GPATCH2: variants seen among roughly 807,000 people sequenced by gnomAD.
GPATCH2 encodes G-patch domain containing 2.
In GPATCH2, 51 loss-of-function variants were observed where a neutral mutation model predicts 58.0. The ratio of observed to expected loss-of-function variants is 0.88; its 90% CI spans 0.70 to 1.11. The LOEUF is 1.11. GPATCH2 is among the 50% of genes most tolerant of loss of function. The pLI is 0.00. For missense variants in GPATCH2, 625 were observed against 652.2 expected (o/e 0.96, Z 0.45); for synonymous variants, 222 against 218.5 (o/e 1.02, Z -0.14).
chr1:217,514,858 C>G lies in GPATCH2; in HGVS notation c.1130G>C (p.Arg377Thr). ...AGAATCCGGGGAAAAATGAACCATT[C>G]TCTTGTTACCCACTGGGCCAGGAAT... ...VPIPGPVGNK[R>T]MVHFSPDSHH... is the part of the protein sequence containing the mutation. The change falls in exon 6 of 10, where the codon AGA (arginine) becomes ACA (threonine). Residue 377 changes from arginine (R) to threonine (T), a missense_variant. Arg to Thr is a moderately conservative substitution (Grantham distance 71). Transcript: ENST00000366935. The G allele has an allele frequency of 1.3e-6, 2 of 1,540,018 alleles. No individual in the cohort carries two copies. The highest frequency in any genetic ancestry group is 2.2e-5 in the South Asian group (2 of 89,374).
At chr1:217,558,012 C>T (rs1558482686) in intron 5 of GPATCH2, among the ~76,000 whole-genome samples, 1 of 152,100 alleles carries the variant, frequency 6.6e-6, no homozygotes, top group African/African-American at 2.4e-5. Context: ...TTTTAACCCC[C>T]TGACTTTTTC....
chr1:217,492,694 C>G lies in GPATCH2; in HGVS notation c.1207-944G>C, dbSNP rs546725306. On this transcript the variant is annotated intron_variant, in intron 7 of 9. Coordinates refer to ENST00000366935, the MANE Select transcript of GPATCH2 (RefSeq NM_018040.5). ...AACTTCTCTAAGCCTTGGTCTCCAC[C>G]TGTAAAATGGAAATAACAATAATAT... 14 of 152,258 alleles carry G rather than the reference C, an allele frequency of 9.2e-5. 1 individual carries two copies. The South Asian group carries it at 2.9e-3, about 32-fold the overall frequency. The allele number at this position is 152,258 out of a possible 1,614,324, so 9.4% of individuals were successfully genotyped here. A position where few individuals can be genotyped will look rare whatever the true frequency, so the allele number is the denominator to read the frequency against.
chr1:217,528,644 G>A (rs1365805226), intron 5 of GPATCH2, among the ~76,000 whole-genome samples: 2 of 152,198 alleles, frequency 1.3e-5, no homozygotes, highest in Non-Finnish European at 2.9e-5. Context: ...CTGAGGTACA[G>A]TCAGGGAGGT....
At chr1:217,514,746 A>T (rs550463515) in intron 6 of GPATCH2, 76 bp downstream of exon 6, 16 of 669,522 alleles carry the variant, frequency 2.4e-5, no homozygotes, top group Admixed American at 1.6e-4. Flanking sequence ...AAGCTTTACT[A>T]GTAGTAGCTA....
rs562065872 is a variant in GPATCH2 at position 217,454,626 on chromosome 1, T to A, written c.1278-5289A>T. Reference sequence around the variant, plus strand: ...AAAAAAAAAACCTTTCCTTTTTTTTTCCTCCCCTTTTTGAGACAGAGTCTC... The same window carrying A: ...AAAAAAAAAACCTTTCCTTTTTTTTACCTCCCCTTTTTGAGACAGAGTCTC... On this transcript the variant is annotated intron_variant, in intron 8 of 9. Coordinates refer to ENST00000366935, the MANE Select transcript of GPATCH2 (RefSeq NM_018040.5). 3.3e-4 allele frequency among the ~76,000 whole-genome samples: 49 copies of A among 150,406 alleles called. 1 individual carries two copies. The South Asian group carries it at 9.4e-3, about 29-fold the overall frequency.
At chr1:217,472,296 CTTTT>C (rs11326840) in intron 8 of GPATCH2, among the ~76,000 whole-genome samples, 3 of 90,018 alleles carry the variant, frequency 3.3e-5, no homozygotes, top group African/African-American at 4.6e-5. Flanking sequence ...TTTCAACAGA[CTTTT>C]TTTTTTTTTT....
In GPATCH2 at chr1:217,614,136, A is replaced by G. The variant is rs1295912160; in HGVS notation, c.835+5T>C. On this transcript the variant is annotated splice_donor_5th_base_variant and intron_variant, in intron 3 of 9. Transcript: ENST00000366935. The stretch of plus-strand genomic sequence containing the variant: ...CAAAGAGAGAAAAAAATATCATTTC[A>G]GTACCTTGTCTTCCCTCATCATTGG... The G allele has an allele frequency of 1.3e-5, 19 of 1,503,632 alleles. No individual in the cohort carries two copies. Among genetic ancestry groups the G allele is most frequent in the Non-Finnish European group, 1.5e-5 (16 of 1,079,554 alleles). The allele number at this position is 1,503,632 out of a possible 1,614,324, so 93.1% of individuals were successfully genotyped here. A position where few individuals can be genotyped will look rare whatever the true frequency, so the allele number is the denominator to read the frequency against.
At chr1:217,505,024 C>T (rs528729000) in intron 6 of GPATCH2, among the ~76,000 whole-genome samples, 14 of 152,218 alleles carry the variant, frequency 9.2e-5, no homozygotes, top group East Asian at 1.9e-4. Context: ...AGGTTCCACA[C>T]GGGCTTCATG....
chr1:217,492,118 T>C (rs1661774404), intron 7 of GPATCH2, among the ~76,000 whole-genome samples: 1 of 152,172 alleles, frequency 6.6e-6, no homozygotes, highest in Admixed American at 6.5e-5. Context: ...GCAGTAGCCC[T>C]GGTTGAAGTA....
intron 2 of GPATCH2, among the ~76,000 whole-genome samples, chr1:217,615,803 C>A (rs1668858548): frequency 6.6e-6 from 1 of 152,092 alleles, no homozygotes; most frequent in African/African-American, 2.4e-5. Context: ...AATTTGGCCA[C>A]AAGTGAATTA....
intron 6 of GPATCH2, chr1:217,498,716 T>C (rs1330887404): frequency 2.2e-6 from 1 of 448,124 alleles, no homozygotes; most frequent in African/African-American, 2.0e-5. Context: ...AATGCTATCA[T>C]TTACCACAAC....
chr1:217,524,280 G>T lies in GPATCH2; in HGVS notation c.1099-9391C>A, dbSNP rs1663688491. On this transcript the variant is annotated intron_variant, in intron 5 of 9. Transcript: ENST00000366935. Reference sequence around the variant, plus strand: ...TCAGACGGGGCGGCCGGGCAGAGACGCTCCTCACTTCCTAGATGGGATGGC... The same window carrying T: ...TCAGACGGGGCGGCCGGGCAGAGACTCTCCTCACTTCCTAGATGGGATGGC... 2.0e-5 allele frequency among the ~76,000 whole-genome samples: 3 copies of T among 149,844 alleles called. No individual in the cohort carries two copies. The South Asian group carries it at 6.3e-4, about 31-fold the overall frequency.
At chr1:217,597,965 C>T (rs1667926554) in intron 5 of GPATCH2, among the ~76,000 whole-genome samples, 1 of 152,168 alleles carries the variant, frequency 6.6e-6, no homozygotes, top group South Asian at 2.1e-4. Context: ...TATATGCTAT[C>T]ATTTCATGAA....
At chr1:217,593,765 A>C (rs1381915168) in intron 5 of GPATCH2, among the ~76,000 whole-genome samples, 1 of 152,080 alleles carries the variant, frequency 6.6e-6, no homozygotes, top group African/African-American at 2.4e-5. Context: ...AATATATGGT[A>C]TTGTAAAAAC....
chr1:217,515,886 T>G (rs1655348816), intron 5 of GPATCH2, among the ~76,000 whole-genome samples: 1 of 151,848 alleles, frequency 6.6e-6, no homozygotes, highest in Non-Finnish European at 1.5e-5. Flanking sequence ...ATAAATAACA[T>G]GTATTATAAC....
chr1:217,603,592 C>G (rs1012525035), intron 5 of GPATCH2, among the ~76,000 whole-genome samples: 5 of 152,034 alleles, frequency 3.3e-5, no homozygotes, highest in Admixed American at 2.0e-4. Flanking sequence ...TTGTAAATGA[C>G]ATCAAAATAG....
At chr1:217,547,800 C>A (rs770330049) in intron 5 of GPATCH2, among the ~76,000 whole-genome samples, 3 of 152,130 alleles carry the variant, frequency 2.0e-5, no homozygotes, top group Non-Finnish European at 4.4e-5. Flanking sequence ...CAAATCTCAT[C>A]TCGAATTGTA....
At chr1:217,460,193 C>T (rs1022793025) in intron 8 of GPATCH2, among the ~76,000 whole-genome samples, 4 of 152,132 alleles carry the variant, frequency 2.6e-5, no homozygotes, top group Non-Finnish European at 5.9e-5. Flanking sequence ...AAGTCCAGAA[C>T]TGTTACTTGT....
chr1:217,627,373 C>T (rs1376648387), intron 1 of GPATCH2, among the ~76,000 whole-genome samples: 1 of 151,990 alleles, frequency 6.6e-6, no homozygotes. Context: ...AAAAGGAAGG[C>T]TAGCAGACAT....
Sources: allele counts gnomAD v4.1 joint callset (sites outside exome capture counted in the v4.1 genomes callset), GRCh38; gene constraint gnomAD v4.1.1; transcripts MANE v1.5; gene names NCBI Gene and HGNC (gene_info 2026-07-23, HGNC 2026-07-21).